Variants in CYTH4 observed in about 807,000 individuals in gnomAD.
CYTH4 encodes the protein cytohesin 4, also known as cytohesin-4.
A neutral mutation model predicts 57.5 loss-of-function variants in CYTH4; 22 were observed. The ratio of observed to expected loss-of-function variants is 0.38; its 90% CI spans 0.27 to 0.55. The LOEUF (loss-of-function observed/expected upper bound fraction) is 0.55. Ranked by LOEUF, CYTH4 falls within the 20% of genes least tolerant of loss-of-function variation. The probability of loss-of-function intolerance (pLI) is 0.74; values close to 1 mark genes in which losing one functional copy is unlikely to be tolerated. For missense variants in CYTH4, 420 were observed against 535.6 expected (o/e 0.78, Z 2.13); for synonymous variants, 186 against 206.5 (o/e 0.90, Z 0.85).
intron 8 of CYTH4, among the ~76,000 whole-genome samples, chr22:37,305,855 G>C (rs986059061): frequency 1.3e-5 from 2 of 152,240 alleles, no homozygotes; most frequent in Non-Finnish European, 2.9e-5. Context: ...AGGATGCGCA[G>C]CTGGGAAAGG....
intron 8 of CYTH4, among the ~76,000 whole-genome samples, chr22:37,308,333 G>T (rs1929476767): frequency 6.6e-6 from 1 of 152,266 alleles, no homozygotes; most frequent in Non-Finnish European, 1.5e-5. Flanking sequence ...GTGTCTGTGT[G>T]TGTAAGCATG....
chr22:37,309,404 C>T (rs1288638152), intron 9 of CYTH4, 81 bp downstream of exon 9: 17 of 1,239,250 alleles, frequency 1.4e-5, no homozygotes, highest in South Asian at 8.8e-5. Context: ...CACTCCTGGA[C>T]GCACAGGCCC....
intron 12 of CYTH4, 27 bp downstream of exon 12, chr22:37,312,201 G>T: frequency 6.2e-7 from 1 of 1,605,390 alleles, no homozygotes; most frequent in Non-Finnish European, 8.5e-7. Flanking sequence ...TCTGGGGACG[G>T]CTTCCCGTCA....
At chr22:37,313,321 C>T (rs776011970) in intron 12 of CYTH4, 118 bp from the exon 13 acceptor site, 14 of 998,578 alleles carry the variant, frequency 1.4e-5, no homozygotes, top group African/African-American at 8.0e-5. Flanking sequence ...GCCTTTCCCC[C>T]GCGGCAGAGC....
rs116957045 is a variant in CYTH4, at chr22:37,314,802, C to A, written c.*1291C>A. The A allele has an allele frequency of 7.1e-3, 1,218 of 170,892 alleles. 7 individuals carry two copies. The highest frequency in any genetic ancestry group is 0.012 in the Admixed American group (198 of 15,860). The allele number at this position is 170,892 out of a possible 1,614,324, so 10.6% of individuals were successfully genotyped here. A position where few individuals can be genotyped will look rare whatever the true frequency, so the allele number is the denominator to read the frequency against. On this transcript the variant is annotated 3_prime_UTR_variant, in exon 13 of 13. Transcript: ENST00000248901. Reference sequence around the variant, plus strand: ...GCAGGGGAACAGGAAATGTGGCCGCCTCTGCCCCACTGCCAGCCTGAGTGG... The same window carrying A: ...GCAGGGGAACAGGAAATGTGGCCGCATCTGCCCCACTGCCAGCCTGAGTGG...
In CYTH4 at chr22:37,309,221, G is replaced by T. The variant is rs905683648; in HGVS notation, c.706G>T (p.Asp236Tyr). The stretch of plus-strand genomic sequence containing the variant: ...CCTTGTCTTGGGGCAGAACCTCTTC[G>T]ACAGCATCAAGAGTGAGCCATTCTC... Reference protein sequence around the residue: ...LPEDQLRNLFDSIKSEPFSIP... With the variant: ...LPEDQLRNLFYSIKSEPFSIP... Residue 236 changes from aspartate (D) to tyrosine (Y), a missense_variant, in exon 9 of 13, where the codon GAC (aspartate) becomes TAC (tyrosine). Transcript: ENST00000248901. 6.2e-7 allele frequency: 1 copy of T among 1,614,010 alleles called. No individual in the cohort carries two copies. Among genetic ancestry groups the T allele is most frequent in the Non-Finnish European group, 8.5e-7 (1 of 1,179,928 alleles).
Position 37,314,260 on chromosome 22 carries a change from G to A in CYTH4, c.*749G>A, listed in dbSNP as rs190194104. On this transcript the variant is annotated 3_prime_UTR_variant, in exon 13 of 13. Transcript: ENST00000248901. The stretch of plus-strand genomic sequence containing the variant: ...GCTGGAGATGGCAGCCGTTGTTTGC[G>A]GAGCCCAGGCTGACTCCGGATTCAA... 2.3e-5 allele frequency: 9 copies of A among 398,440 alleles called. No homozygotes were observed. Among genetic ancestry groups the A allele is most frequent in the Admixed American group, 1.8e-4 (4 of 22,728 alleles). The allele number at this position is 398,440 out of a possible 1,614,324, so 24.7% of individuals were successfully genotyped here.
intron 1 of CYTH4, among the ~76,000 whole-genome samples, chr22:37,291,280 G>A (rs1928738508): frequency 6.6e-6 from 1 of 152,170 alleles, no homozygotes; most frequent in African/African-American, 2.4e-5. Flanking sequence ...CTGGGGACCT[G>A]GGCTCCATCT....
chr22:37,303,101 G>T (rs1263745178), intron 7 of CYTH4, among the ~76,000 whole-genome samples, 153 bp from the exon 8 acceptor site: 1 of 152,096 alleles, frequency 6.6e-6, no homozygotes, highest in African/African-American at 2.4e-5. Context: ...GCAAGAGTGG[G>T]AAGGGAGAGG....
intron 1 of CYTH4, among the ~76,000 whole-genome samples, chr22:37,287,923 A>G (rs952784710): frequency 6.6e-6 from 1 of 152,268 alleles, no homozygotes; most frequent in East Asian, 1.9e-4. Context: ...GTCCCCTGGT[A>G]TAAGTGTCCC....
intron 5 of CYTH4, 29 bp from the exon 6 acceptor site, chr22:37,299,197 C>G: frequency 1.1e-5 from 16 of 1,489,036 alleles, no homozygotes; most frequent in Non-Finnish European, 1.5e-5. Context: ...CCAAGTGTGT[C>G]CCACCCTCCC....
At position 37,310,978 on chromosome 22, in the gene CYTH4, C is replaced by T. The variant is rs1486129160; in HGVS notation, c.809-10C>T. 1 of 1,613,936 alleles carries T rather than the reference C, an allele frequency of 6.2e-7. No individual in the cohort carries two copies. The highest frequency in any genetic ancestry group is 8.5e-7 in the Non-Finnish European group (1 of 1,179,878). ...AGGACTGACCAGCTTGCTACATTGG[C>T]CTTGCGCAGGGGGCCGCGTGAAGAC... is the stretch of plus-strand genomic sequence containing the variant. On this transcript the variant is annotated splice_polypyrimidine_tract_variant and intron_variant, in intron 9 of 12. Coordinates refer to ENST00000248901, the MANE Select transcript of CYTH4 (RefSeq NM_013385.5).
chr22:37,297,706 G>A (rs763130927), intron 5 of CYTH4, 24 bp downstream of exon 5: 57 of 1,596,908 alleles, frequency 3.6e-5, no homozygotes, highest in Middle Eastern at 1.7e-4. Flanking sequence ...GAGCCTTAGC[G>A]AGGCAGGAAA....
chr22:37,300,191 G>A (rs1929129195), intron 6 of CYTH4: 1 of 717,512 alleles, frequency 1.4e-6, no homozygotes, highest in Middle Eastern at 2.3e-4. Flanking sequence ...TTTGGAGGGT[G>A]AGTAGGAGTT....
chr22:37,299,197 C>A, intron 5 of CYTH4, 29 bp from the exon 6 acceptor site: 3 of 1,489,028 alleles, frequency 2.0e-6, no homozygotes, highest in South Asian at 2.3e-5. Context: ...CCAAGTGTGT[C>A]CCACCCTCCC....
chr22:37,283,146 G>A (rs928578451), intron 1 of CYTH4, among the ~76,000 whole-genome samples: 3 of 151,620 alleles, frequency 2.0e-5, no homozygotes, highest in Admixed American at 6.6e-5. Flanking sequence ...TTTGGCCCCC[G>A]GGGGTTGGGG....
In CYTH4 at chr22:37,299,231, C is replaced by A. The variant is rs749425039; in HGVS notation, c.359C>A (p.Pro120His). The A allele has an allele frequency of 1.2e-6, 2 of 1,613,804 alleles. No homozygotes were observed. Among genetic ancestry groups the A allele is most frequent in the South Asian group, 2.2e-5 (2 of 91,066 alleles). The change falls in exon 6 of 13, where the codon CCC becomes CAC. Residue 120 changes from proline to histidine, a missense_variant. Physicochemically the swap from Pro to His is moderately conservative, Grantham distance 77. Transcript: ENST00000248901. ...AIGTYLGERD[P>H]INLQVLQAFV... is the part of the protein sequence containing the mutation. ...CCTTCCGCCTCCTCCCCCAGGGATCCCATCAACCTGCAGGTCCTCCAGGCC... is the reference window on the plus strand; with the variant it reads ...CCTTCCGCCTCCTCCCCCAGGGATCACATCAACCTGCAGGTCCTCCAGGCC...
intron 1 of CYTH4, among the ~76,000 whole-genome samples, chr22:37,291,383 C>T (rs1928744031): frequency 6.6e-6 from 1 of 152,102 alleles, no homozygotes. Flanking sequence ...AAAGGGAGCG[C>T]TCAACATTCC....
At chr22:37,307,296 C>T (rs902396832) in intron 8 of CYTH4, among the ~76,000 whole-genome samples, 1 of 152,192 alleles carries the variant, frequency 6.6e-6, no homozygotes, top group Non-Finnish European at 1.5e-5. Flanking sequence ...GCTGGGTCCC[C>T]CTGTGGGTTT....
Sources: allele counts gnomAD v4.1 joint callset (sites outside exome capture counted in the v4.1 genomes callset), GRCh38; gene constraint gnomAD v4.1.1; transcripts MANE v1.5; gene names NCBI Gene and HGNC (gene_info 2026-07-23, HGNC 2026-07-21).